Variants in RASSF1 observed in about 807,000 individuals in gnomAD.
RASSF1 encodes the protein Ras association domain family member 1, also known as ras association domain-containing protein 1.
A neutral mutation model predicts 34.3 loss-of-function variants in RASSF1; 33 were observed. The observed-to-expected ratio is 0.96, with a 90% confidence interval of 0.73 to 1.29. The LOEUF (loss-of-function observed/expected upper bound fraction) is 1.29, where lower values mean the gene tolerates loss of function less well. Ranked by LOEUF, RASSF1 falls within the 50% of genes most tolerant of loss-of-function variation. The pLI, the probability that RASSF1 is intolerant of heterozygous loss-of-function variation, is 0.00. For missense variants in RASSF1, 445 were observed against 471.8 expected (o/e 0.94, Z 0.53); for synonymous variants, 191 against 195.0 (o/e 0.98, Z 0.17).
chr3:50,339,622 G>A (rs1318875620), intron 1 of RASSF1, among the ~76,000 whole-genome samples: 2 of 151,986 alleles, frequency 1.3e-5, no homozygotes, highest in Admixed American at 6.6e-5. Flanking sequence ...ACCCGCCTCC[G>A]CCTTCCGAAG....
At position 50,331,750 on chromosome 3, in the gene RASSF1, C is replaced by T. The variant is rs1252234821; in HGVS notation, c.569G>A (p.Arg190Gln). 1.1e-5 allele frequency: 18 copies of T among 1,610,190 alleles called. No homozygotes were observed. The highest frequency in any genetic ancestry group is 1.5e-5 in the Non-Finnish European group (18 of 1,177,152). The change falls in exon 4 of 6, where the codon CGG becomes CAG. Residue 190 changes from arginine to glutamine, a missense_variant. Coordinates refer to ENST00000359365, the MANE Select transcript of RASSF1 (RefSeq NM_007182.5). ...GACACTTGTGCCCCGTCCTGGGCCC[C>T]GCCGGGCATCCTGCAAGGAGGGTGG... ...KKPPSLQDAR[R>Q]GPGRGTSVRR...
chr3:50,339,514 C>T (rs886402748), intron 1 of RASSF1, among the ~76,000 whole-genome samples: 9 of 151,720 alleles, frequency 5.9e-5, no homozygotes, highest in East Asian at 1.9e-4. Flanking sequence ...TACAGGCACC[C>T]GCCACTACGC....
chr3:50,337,660 G>A (rs992031113), intron 2 of RASSF1: 3 of 906,208 alleles, frequency 3.3e-6, no homozygotes, highest in Non-Finnish European at 4.9e-6. Context: ...GAAGGTGCGG[G>A]AAGTGCGCGT....
chr3:50,337,830 G>A, intron 2 of RASSF1, 75 bp downstream of exon 2: 1 of 1,362,604 alleles, frequency 7.3e-7, no homozygotes, highest in Non-Finnish European at 1.0e-6. Flanking sequence ...GCGGCACCCA[G>A]GCAGCCCTCG....
At chr3:50,336,286 TACTTA>T (rs1703132918) in intron 2 of RASSF1, 1 of 152,206 alleles carries the variant, frequency 6.6e-6, no homozygotes, top group Non-Finnish European at 1.5e-5. Context: ...CCACTTTCTT[TACTTA>T]AATAAGGATT....
At chr3:50,340,503 C>A (rs1415869990) in intron 1 of RASSF1, 53 bp downstream of exon 1, 1 of 1,402,730 alleles carries the variant, frequency 7.1e-7, no homozygotes, top group Non-Finnish European at 9.2e-7. Flanking sequence ...GGCGACTGCG[C>A]TGCCCCTTGG....
intron 2 of RASSF1, 36 bp downstream of exon 2, chr3:50,337,869 C>G (rs766069343): frequency 6.5e-7 from 1 of 1,531,640 alleles, no homozygotes; most frequent in Admixed American, 1.7e-5. Flanking sequence ...CCTGCCCATC[C>G]TCGCCCTTCC....
At chr3:50,331,214 C>T (rs1487198208) in intron 5 of RASSF1, 120 bp downstream of exon 5, 1 of 800,580 alleles carries the variant, frequency 1.2e-6, no homozygotes, top group East Asian at 2.8e-5. Flanking sequence ...TGCCTATACA[C>T]TCCTGGAACT....
In RASSF1 at chr3:50,332,125, GTCAGGTGTC is replaced by G. The variant is rs1315390949; in HGVS notation, c.378_386del (p.Glu126_Pro128del). The G allele has an allele frequency of 3.1e-6, 5 of 1,614,044 alleles. No homozygotes were observed. The highest frequency in any genetic ancestry group is 4.2e-6 in the Non-Finnish European group (5 of 1,180,042). ...TCTGCTCAATCTCAGCTTGAGAAAGGTCAGGTGTCTCCCACTCCACAGGCTCGTCCTGCA... is the reference window on the plus strand; with the variant it reads ...TCTGCTCAATCTCAGCTTGAGAAAGGTCCCACTCCACAGGCTCGTCCTGCA... On this transcript the variant is annotated inframe_deletion, in exon 3 of 6. Coordinates refer to ENST00000359365, the MANE Select transcript of RASSF1 (RefSeq NM_007182.5).
intron 2 of RASSF1, among the ~76,000 whole-genome samples, chr3:50,335,175 C>A (rs1212811385): frequency 6.6e-6 from 1 of 152,070 alleles, no homozygotes; most frequent in East Asian, 1.9e-4. Flanking sequence ...GTCTTGAACT[C>A]CTGACCTCAT....
chr3:50,330,137 A>C lies in RASSF1; in HGVS notation c.*444T>G. 1 of 160,530 alleles carries C rather than the reference A, an allele frequency of 6.2e-6. No individual in the cohort carries two copies. The highest frequency in any genetic ancestry group is 1.4e-5 in the Non-Finnish European group (1 of 72,938). The allele number at this position is 160,530 out of a possible 1,614,324, so 9.9% of individuals were successfully genotyped here. ...AAGACTCTTCCTCAATGCCTGCCTT[A>C]TTCTGAGCACCCACCCTTAGCTCTG... On this transcript the variant is annotated 3_prime_UTR_variant, in exon 6 of 6. Transcript: ENST00000359365. This position sits in a 1 kb window ranked among gnomAD's most constrained non-coding sequence, Gnocchi z 4.5.
intron 2 of RASSF1, among the ~76,000 whole-genome samples, chr3:50,333,177 T>A (rs1478768287): frequency 6.6e-6 from 1 of 152,020 alleles, no homozygotes; most frequent in Non-Finnish European, 1.5e-5. Context: ...TGAGGGTTTG[T>A]CCTGGAGAAG....
chr3:50,337,549 C>G (rs1453480182), intron 2 of RASSF1: 1 of 1,477,820 alleles, frequency 6.8e-7, no homozygotes, highest in Admixed American at 2.1e-5. Flanking sequence ...CTCATCGCTC[C>G]GGAGCTCCAC....
intron 1 of RASSF1, among the ~76,000 whole-genome samples, chr3:50,339,532 A>ATT (rs141207090): frequency 3.3e-5 from 5 of 150,130 alleles, no homozygotes; most frequent in African/African-American, 1.2e-4. Context: ...CGCCTGGCTC[A>ATT]TTTTTTTTTA....
Position 50,337,994 on chromosome 3 carries a change from G to A in RASSF1, c.268C>T (p.His90Tyr). 5.6e-6 allele frequency: 9 copies of A among 1,596,888 alleles called. No homozygotes were observed. Among genetic ancestry groups the A allele is most frequent in the Non-Finnish European group, 6.8e-6 (8 of 1,172,068 alleles). ...CAGACGAGCGCGCGGCAGCGGTAGT[G>A]GCAGGTGAACTTGCAATCTGCAGAG... ...LQCAHCKFTC[H>Y]YRCRALVCLD... Residue 90 changes from histidine (H) to tyrosine (Y), a missense_variant, in exon 2 of 6, where the codon CAC becomes TAC. His to Tyr is a moderately conservative substitution (Grantham distance 83). Transcript: ENST00000359365.
In RASSF1 at chr3:50,330,668, C is replaced by T. The variant is rs1553718189; in HGVS notation, c.936G>A (p.Glu312=). 1 of 1,614,132 alleles carries T rather than the reference C, an allele frequency of 6.2e-7. No individual in the cohort carries two copies. The highest frequency in any genetic ancestry group is 8.5e-7 in the Non-Finnish European group (1 of 1,179,994). ...HNFLRILQRE[E]EEHLRQILQK... is the part of the protein sequence containing the mutation. ...GCAGGATCTGGCGGAGGTGCTCCTCCTCCTCCCGCTGCAGGATACGTAGGA... is the reference window on the plus strand; with the variant it reads ...GCAGGATCTGGCGGAGGTGCTCCTCTTCCTCCCGCTGCAGGATACGTAGGA... The change falls in exon 6 of 6, where the codon GAG becomes GAA. Residue 312 remains glutamate, a synonymous_variant. Transcript: ENST00000359365. This position sits in a 1 kb window ranked among gnomAD's most constrained non-coding sequence, Gnocchi z 4.5.
In RASSF1 at chr3:50,330,008, C is replaced by T. The variant is rs587621894; in HGVS notation, c.*573G>A. ...GCCCACATTCACACAGACCCTGGCC[C>T]AGGGACATCCTCCTCATATGAAGCA... On this transcript the variant is annotated 3_prime_UTR_variant, in exon 6 of 6. Transcript: ENST00000359365. This position sits in a 1 kb window ranked among gnomAD's most constrained non-coding sequence, Gnocchi z 4.5. 27 of 152,924 alleles carry T rather than the reference C, an allele frequency of 1.8e-4. No homozygotes were observed. Among genetic ancestry groups the T allele is most frequent in the African/African-American group, 6.5e-4 (27 of 41,546 alleles). The allele number at this position is 152,924 out of a possible 1,614,324, so 9.5% of individuals were successfully genotyped here. A position where few individuals can be genotyped will look rare whatever the true frequency, so the allele number is the denominator to read the frequency against.
In RASSF1 at chr3:50,337,304, C is replaced by A. The variant is rs77810848; in HGVS notation, c.357+601G>T. 6.7e-4 allele frequency: 1,082 copies of A among 1,612,732 alleles called. 8 individuals are homozygous for A. The African/African-American group carries it at 0.013, about 19-fold the overall frequency. ...CTCCAGGTCATTTCGAAAGAAGGCGCCTCCGCCTCGCCCATAGCCGTACCC... is the reference window on the plus strand; with the variant it reads ...CTCCAGGTCATTTCGAAAGAAGGCGACTCCGCCTCGCCCATAGCCGTACCC... On this transcript the variant is annotated intron_variant, in intron 2 of 5. Transcript: ENST00000359365.
Position 50,332,128 on chromosome 3 carries a change from A to G in RASSF1, c.384T>C (p.Pro128=). 4.3e-6 allele frequency: 7 copies of G among 1,614,210 alleles called. No individual in the cohort carries two copies. The highest frequency in any genetic ancestry group is 5.9e-6 in the Non-Finnish European group (7 of 1,180,028). ...NVDEPVEWET[P]DLSQAEIEQK... is the part of the protein sequence containing the mutation. Reference sequence around the variant, plus strand: ...GCTCAATCTCAGCTTGAGAAAGGTCAGGTGTCTCCCACTCCACAGGCTCGT... The same window carrying G: ...GCTCAATCTCAGCTTGAGAAAGGTCGGGTGTCTCCCACTCCACAGGCTCGT... The change falls in exon 3 of 6, where the codon CCT becomes CCC. Residue 128 remains proline, a synonymous_variant. Coordinates refer to ENST00000359365, the MANE Select transcript of RASSF1 (RefSeq NM_007182.5).
Sources: gnomAD v4.1 joint callset for allele counts (sites outside exome capture counted in the v4.1 genomes callset) on GRCh38, gnomAD v4.1.1 for gene constraint, Gnocchi (gnomAD v3.1) non-coding constraint, MANE v1.5 for transcripts, NCBI Gene and HGNC (gene_info 2026-07-23, HGNC 2026-07-21) for gene names.